The following ARHGAP22 variants were observed in gnomAD, a reference collection of about 807,000 sequenced individuals.
The protein encoded by ARHGAP22 is rho GTPase-activating protein 22.
In ARHGAP22, 48 loss-of-function variants were observed where a neutral mutation model predicts 59.1. The ratio of observed to expected loss-of-function variants is 0.81; its 90% CI spans 0.64 to 1.03. The LOEUF (loss-of-function observed/expected upper bound fraction) is 1.03. Among genes scored for constraint, ARHGAP22 ranks in the 50% least tolerant of loss-of-function variants. The pLI is 0.00. For missense variants in ARHGAP22, 1,015 were observed against 958.7 expected (o/e 1.06, Z -0.78); for synonymous variants, 445 against 416.4 (o/e 1.07, Z -0.84).
chr10:48,582,756 T>C, intron 2 of ARHGAP22, 197 bp downstream of exon 2: 1 of 617,508 alleles, frequency 1.6e-6, no homozygotes, highest in Non-Finnish European at 2.8e-6. Flanking sequence ...GCAGAAGTTG[T>C]GGACATGTTC....
At chr10:48,595,122 T>C (rs2059990514) in intron 1 of ARHGAP22, among the ~76,000 whole-genome samples, 1 of 152,204 alleles carries the variant, frequency 6.6e-6, no homozygotes, top group African/African-American at 2.4e-5. Flanking sequence ...CCAGGGATGT[T>C]TCCTATCTGC....
chr10:48,653,368 G>A (rs2062636809), upstream of ARHGAP22, among the ~76,000 whole-genome samples: 1 of 152,212 alleles, frequency 6.6e-6, no homozygotes, highest in Non-Finnish European at 1.5e-5. Context: ...CAGGAATTGG[G>A]GCTGTCACCA....
intron 9 of ARHGAP22, 68 bp downstream of exon 9, chr10:48,450,193 T>C (rs908533250): frequency 1.9e-6 from 3 of 1,554,838 alleles, no homozygotes; most frequent in African/African-American, 2.7e-5. Flanking sequence ...GACGCCCATG[T>C]GCCAAGAGCA....
chr10:48,583,277 C>T lies in ARHGAP22; in HGVS notation c.35-125G>A, dbSNP rs2059228077. 5.3e-6 allele frequency: 6 copies of T among 1,130,830 alleles called. No homozygotes were observed. The East Asian group carries it at 1.4e-4, about 27-fold the overall frequency. The allele number at this position is 1,130,830 out of a possible 1,614,324, so 70.0% of individuals were successfully genotyped here. On this transcript the variant is annotated intron_variant, in intron 1 of 9. Transcript: ENST00000249601. ...GGAGCCCAGGCCAGCAGGATGTGAG[C>T]AGCTGGGCCTACTTCCCCTTGGCAT...
At chr10:48,596,510 G>A (rs952342571) in intron 1 of ARHGAP22, among the ~76,000 whole-genome samples, 5 of 152,162 alleles carry the variant, frequency 3.3e-5, no homozygotes, top group Admixed American at 6.5e-5. Context: ...CTCACTGAGA[G>A]GTGGAGTGTG....
At chr10:48,470,265 C>T (rs1032521193) in intron 4 of ARHGAP22, among the ~76,000 whole-genome samples, 4 of 152,206 alleles carry the variant, frequency 2.6e-5, no homozygotes, top group Non-Finnish European at 5.9e-5. Context: ...TGAACGTTAG[C>T]GTCCTGACCT....
chr10:48,544,184 C>T (rs1389195741), intron 3 of ARHGAP22, among the ~76,000 whole-genome samples: 1 of 152,056 alleles, frequency 6.6e-6, no homozygotes, highest in Middle Eastern at 3.2e-3. Flanking sequence ...GTCTGCATAT[C>T]GTACTTCACA....
chr10:48,479,189 GC>G (rs1261925925), intron 4 of ARHGAP22: 2 of 169,230 alleles, frequency 1.2e-5, no homozygotes, highest in Non-Finnish European at 2.5e-5. Flanking sequence ...CATGCCCCTG[GC>G]TCCCCGTTGC....
At position 48,450,281 on chromosome 10, in the gene ARHGAP22, C is replaced by A. The variant is rs747406561; in HGVS notation, c.1848G>T (p.Glu616Asp). 1 of 1,609,966 alleles carries A rather than the reference C, an allele frequency of 6.2e-7. No individual in the cohort carries two copies. The highest frequency in any genetic ancestry group is 1.7e-5 in the Admixed American group (1 of 59,756). Residue 616 changes from glutamate to aspartate, a missense_variant, in exon 9 of 10, where the codon GAG becomes GAT. Physicochemically the swap from Glu to Asp is conservative, Grantham distance 45. Transcript: ENST00000249601. ...GTTACCTTTTCACACTCCTCTCGTA[C>A]TCAGTCCGCTGGCGGCACAGCTCGG... is the stretch of plus-strand genomic sequence containing the variant. The part of the protein sequence containing the change: ...LRAELCRQRT[E>D]YERSVKRIEE...
Position 48,636,592 on chromosome 10 carries a change from A to G in ARHGAP22, c.52+15642T>C, listed in dbSNP as rs529628240. Among the ~76,000 whole-genome samples the G allele has an allele frequency of 3.3e-5, 5 of 152,342 alleles. No individual in the cohort carries two copies. The East Asian group carries it at 9.6e-4, about 29-fold the overall frequency. ...GCACCACAGCCCTGCCCTTTTGCAG[A>G]CCACGATCTCCTAGAGAGGAGGGGA... On this transcript the variant is annotated intron_variant, in intron 1 of 9. Transcript: ENST00000435790.
intron 1 of ARHGAP22, among the ~76,000 whole-genome samples, chr10:48,628,656 A>T (rs2061529421): frequency 6.6e-6 from 1 of 152,226 alleles, no homozygotes. Flanking sequence ...AATTTAAAGC[A>T]TATGAACTTT....
At chr10:48,570,975 C>T (rs1165716703) in intron 2 of ARHGAP22, among the ~76,000 whole-genome samples, 3 of 152,204 alleles carry the variant, frequency 2.0e-5, no homozygotes, top group Admixed American at 6.5e-5. Context: ...TCTTTGGCCT[C>T]GTTTTTGACT....
chr10:48,471,826 C>T (rs1453454080), intron 4 of ARHGAP22, among the ~76,000 whole-genome samples: 1 of 152,244 alleles, frequency 6.6e-6, no homozygotes, highest in East Asian at 1.9e-4. Flanking sequence ...CAACTCTGGT[C>T]AGCAGGCAGA....
At chr10:48,629,909 T>C (rs1034775640) in intron 1 of ARHGAP22, among the ~76,000 whole-genome samples, 4 of 152,218 alleles carry the variant, frequency 2.6e-5, no homozygotes, top group African/African-American at 9.6e-5. Flanking sequence ...ATAGATCCTA[T>C]GCCTGTTTTG....
chr10:48,442,872 C>T (rs541953431), downstream of ARHGAP22, among the ~76,000 whole-genome samples: 1 of 152,184 alleles, frequency 6.6e-6, no homozygotes, highest in South Asian at 2.1e-4. Flanking sequence ...AGTGCAGGGG[C>T]TTGGGATTTA....
At chr10:48,603,381 TA>T (rs1426673494) in intron 1 of ARHGAP22, among the ~76,000 whole-genome samples, 1 of 152,256 alleles carries the variant, frequency 6.6e-6, no homozygotes, top group African/African-American at 2.4e-5. Flanking sequence ...GTAAAACAGG[TA>T]AAATTAGTTT....
chr10:48,647,801 G>A (rs1033268844), intron 1 of ARHGAP22, among the ~76,000 whole-genome samples: 1 of 152,148 alleles, frequency 6.6e-6, no homozygotes, highest in African/African-American at 2.4e-5. Flanking sequence ...GTCCATCAAC[G>A]GGTGAGCGGA....
chr10:48,640,278 G>C (rs904302508), intron 1 of ARHGAP22, among the ~76,000 whole-genome samples: 2 of 152,080 alleles, frequency 1.3e-5, no homozygotes, highest in African/African-American at 4.8e-5. Context: ...TCCCAGACAG[G>C]AGGAGACAAA....
the ARHGAP22 span, chr10:48,435,155 G>T: frequency 1.4e-6 from 1 of 700,292 alleles, no homozygotes; most frequent in Non-Finnish European, 2.2e-6. Context: ...TCATTTTGTA[G>T]TAAAGTAGTT....
Sources: allele counts gnomAD v4.1 joint callset (sites outside exome capture counted in the v4.1 genomes callset), GRCh38; gene constraint gnomAD v4.1.1; transcripts MANE v1.5; gene names NCBI Gene and HGNC (gene_info 2026-07-23, HGNC 2026-07-21).